Variants in TENM3 observed in about 807,000 individuals in gnomAD.
TENM3 encodes teneurin-3.
Under a neutral mutation model 255.1 loss-of-function variants are expected in TENM3, and 63 were observed. That is an observed-to-expected ratio of 0.25 (90% CI 0.20 to 0.30). TENM3 has a LOEUF of 0.30. Ranked by LOEUF, TENM3 falls within the 10% of genes least tolerant of loss-of-function variation. The pLI, the probability that TENM3 is intolerant of heterozygous loss-of-function variation, is 1.00. For missense variants in TENM3, 2,929 were observed against 3,461.1 expected, an observed-to-expected ratio of 0.85 and a Z score of 3.86; for synonymous variants, 1,306 against 1,322.3, an observed-to-expected ratio of 0.99 and a Z score of 0.27.
the TENM3 span, among the ~76,000 whole-genome samples, chr4:181,521,596 TACA>T: frequency 1.3e-5 from 2 of 152,292 alleles, no homozygotes; most frequent in South Asian, 2.1e-4. Flanking sequence ...TTATATTGTG[TACA>T]ACAATATCTT....
the TENM3 span, among the ~76,000 whole-genome samples, chr4:181,627,581 C>T: frequency 1.2e-4 from 18 of 152,124 alleles, no homozygotes; most frequent in Non-Finnish European, 2.2e-4. Context: ...TGAGAACATG[C>T]GGTGTTTGGT....
At chr4:182,078,193 T>A in the TENM3 span, among the ~76,000 whole-genome samples, 15 of 152,014 alleles carry the variant, frequency 9.9e-5, no homozygotes, top group Admixed American at 9.8e-4. Flanking sequence ...GGCACTGCAC[T>A]CTAGTCTAGG....
chr4:182,117,635 T>C, the TENM3 span, among the ~76,000 whole-genome samples: 1 of 152,252 alleles, frequency 6.6e-6, no homozygotes, highest in East Asian at 1.9e-4. Context: ...CTAGACTTTC[T>C]ATTCTGTTCC....
chr4:182,200,221 T>C (rs1362324333), intron 1 of TENM3, among the ~76,000 whole-genome samples: 1 of 152,208 alleles, frequency 6.6e-6, no homozygotes, highest in African/African-American at 2.4e-5. Flanking sequence ...TCAGTCTAAA[T>C]GGGCCAGTTC....
chr4:182,087,129 A>T, the TENM3 span, among the ~76,000 whole-genome samples: 1 of 152,176 alleles, frequency 6.6e-6, no homozygotes, highest in South Asian at 2.1e-4. Context: ...ACACAAACAC[A>T]TTCTGAGTTT....
Position 182,792,810 on chromosome 4 carries a change from T to C in TENM3, c.6138T>C (p.Phe2046=), listed in dbSNP as rs1437671534. 1.2e-6 allele frequency: 2 copies of C among 1,613,932 alleles called. No individual in the cohort carries two copies. Among genetic ancestry groups the C allele is most frequent in the Non-Finnish European group, 1.7e-6 (2 of 1,179,848 alleles). ...ETPLPIDLYQ[F]DDISGKVEQF... The stretch of plus-strand genomic sequence containing the variant: ...CACTGCCTATTGATCTGTATCAGTT[T>C]GATGACATTTCTGGCAAAGTTGAGC... Residue 2046 remains phenylalanine, a synonymous_variant, in exon 26 of 28, where the codon TTT becomes TTC. Coordinates refer to ENST00000511685, the MANE Select transcript of TENM3 (RefSeq NM_001080477.4). This position sits in a 1 kb window ranked among gnomAD's most constrained non-coding sequence, Gnocchi z 6.3.
At chr4:182,114,571 A>G in the TENM3 span, among the ~76,000 whole-genome samples, 1 of 152,134 alleles carries the variant, frequency 6.6e-6, no homozygotes, top group Non-Finnish European at 1.5e-5. Flanking sequence ...ATTATATAAT[A>G]TATATGTTTA....
In TENM3 at chr4:182,793,606, A is replaced by G. The variant is rs200989864; in HGVS notation, c.6934A>G (p.Met2312Val). The G allele has an allele frequency of 1.9e-5, 30 of 1,614,042 alleles. No individual in the cohort carries two copies. Among genetic ancestry groups the G allele is most frequent in the Non-Finnish European group, 2.5e-5 (29 of 1,179,876 alleles). ...PLAVFSSNGLMLKQIQYTAYG... is the reference protein window; with the variant it reads ...PLAVFSSNGLVLKQIQYTAYG... Reference sequence around the variant, plus strand: ...GGCTGTGTTCAGTAGCAATGGGCTTATGCTGAAACAGATTCAGTACACTGC... The same window carrying G: ...GGCTGTGTTCAGTAGCAATGGGCTTGTGCTGAAACAGATTCAGTACACTGC... Residue 2312 changes from methionine to valine, a missense_variant, in exon 26 of 28, where the codon ATG becomes GTG. Around this residue, in one of 6 missense-constraint regions of TENM3, gnomAD observed 256 missense variants for 389.3 expected, o/e 0.66. Coordinates refer to ENST00000511685, the MANE Select transcript of TENM3 (RefSeq NM_001080477.4). The surrounding 1 kb of genome is among the most constrained non-coding windows in gnomAD (Gnocchi z 5.7).
the TENM3 span, among the ~76,000 whole-genome samples, chr4:181,737,629 A>AT: frequency 6.6e-6 from 1 of 152,124 alleles, no homozygotes; most frequent in Non-Finnish European, 1.5e-5. Flanking sequence ...TAATTTTAAC[A>AT]TGTTCTGTCC....
chr4:181,733,781 C>T, the TENM3 span, among the ~76,000 whole-genome samples: 2 of 152,146 alleles, frequency 1.3e-5, no homozygotes, highest in Non-Finnish European at 2.9e-5. Context: ...TGAGTATCTG[C>T]TTCCCATTCT....
chr4:182,175,882 G>A (rs1303981838), intron 1 of TENM3, among the ~76,000 whole-genome samples: 2 of 152,172 alleles, frequency 1.3e-5, no homozygotes, highest in African/African-American at 2.4e-5. Flanking sequence ...GAGAGTAGAG[G>A]CTTTTCGATA....
intron 3 of TENM3, among the ~76,000 whole-genome samples, chr4:182,421,823 C>T (rs1251870051): frequency 6.6e-6 from 1 of 152,204 alleles, no homozygotes; most frequent in African/African-American, 2.4e-5. Flanking sequence ...TCCATACCAA[C>T]TAGCCAAAGT....
chr4:182,274,941 C>T (rs536532480), intron 1 of TENM3, among the ~76,000 whole-genome samples: 5 of 152,140 alleles, frequency 3.3e-5, no homozygotes, highest in South Asian at 2.1e-4. Context: ...CCTCCCACCT[C>T]GGCCTCCCGC....
chr4:182,034,965 C>A, the TENM3 span, among the ~76,000 whole-genome samples: 1 of 151,846 alleles, frequency 6.6e-6, no homozygotes, highest in East Asian at 1.9e-4. Context: ...TGGGTGATAC[C>A]CTGAAGTGTG....
At chr4:181,591,646 C>T in the TENM3 span, among the ~76,000 whole-genome samples, 4 of 152,160 alleles carry the variant, frequency 2.6e-5, no homozygotes, top group African/African-American at 4.8e-5. Flanking sequence ...GCCTGAGCTC[C>T]GCCTCCCATC....
chr4:181,907,970 AG>A, the TENM3 span, among the ~76,000 whole-genome samples: 1 of 152,160 alleles, frequency 6.6e-6, no homozygotes, highest in East Asian at 1.9e-4. Flanking sequence ...CTTGCACATA[AG>A]GGTTTGTTAC....
the TENM3 span, among the ~76,000 whole-genome samples, chr4:181,649,623 T>C: frequency 2.0e-5 from 3 of 152,192 alleles, no homozygotes; most frequent in African/African-American, 7.2e-5. Flanking sequence ...GATGTGTTCG[T>C]GTGTTTTGAC....
At chr4:182,367,211 T>C (rs1766488792) in intron 3 of TENM3, among the ~76,000 whole-genome samples, 1 of 152,170 alleles carries the variant, frequency 6.6e-6, no homozygotes, top group Non-Finnish European at 1.5e-5. Context: ...TACTTATAGT[T>C]GGAACCGCTC....
intron 13 of TENM3, among the ~76,000 whole-genome samples, chr4:182,724,426 C>T (rs947713573): frequency 3.3e-5 from 5 of 152,154 alleles, no homozygotes; most frequent in Non-Finnish European, 5.9e-5. Flanking sequence ...CATAACCATC[C>T]GTCACTTGCT....
Sources: allele counts gnomAD v4.1 joint callset (sites outside exome capture counted in the v4.1 genomes callset), GRCh38; gene constraint gnomAD v4.1.1; regional missense constraint gnomAD v4.1.1; non-coding constraint Gnocchi (gnomAD v3.1); transcripts MANE v1.5; gene names NCBI Gene and HGNC (gene_info 2026-07-23, HGNC 2026-07-21).